Variants in NPAS3 observed in about 807,000 individuals in gnomAD.
NPAS3 encodes the protein neuronal PAS domain protein 3.
A neutral mutation model predicts 73.1 loss-of-function variants in NPAS3; 14 were observed. The observed-to-expected ratio is 0.19, with a 90% CI of 0.13 to 0.30. The LOEUF (loss-of-function observed/expected upper bound fraction) is 0.30. Ranked by LOEUF, NPAS3 falls within the 10% of genes least tolerant of loss-of-function variation. The probability of loss-of-function intolerance (pLI) is 1.00; values close to 1 mark genes in which losing one functional copy is unlikely to be tolerated. For synonymous variants in NPAS3, 620 were observed against 541.5 expected (o/e 1.14, Z -2.01); for missense variants, 1,096 against 1,250.0 (o/e 0.88, Z 1.86).
At chr14:33,100,592 CA>C (rs1472932931) in intron 2 of NPAS3, among the ~76,000 whole-genome samples, 1 of 152,070 alleles carries the variant, frequency 6.6e-6, no homozygotes, top group African/African-American at 2.4e-5. Flanking sequence ...TATAATTATA[CA>C]ACGCTATTTA....
chr14:33,317,932 G>T (rs1272986687), intron 3 of NPAS3, among the ~76,000 whole-genome samples: 1 of 152,014 alleles, frequency 6.6e-6, no homozygotes, highest in Admixed American at 6.6e-5. Context: ...TTGAAGTGCA[G>T]GGGTAAAATT....
intron 3 of NPAS3, among the ~76,000 whole-genome samples, chr14:33,332,418 A>G (rs1174000624): frequency 6.6e-6 from 1 of 152,178 alleles, no homozygotes; most frequent in Non-Finnish European, 1.5e-5. Context: ...ATGTAGTTAG[A>G]CACCTTGGAA....
intron 3 of NPAS3, among the ~76,000 whole-genome samples, chr14:33,328,446 C>CTTTTCTTTTTTTTTTTTTTTT (rs2043812426): frequency 2.0e-5 from 1 of 49,584 alleles, no homozygotes; most frequent in Non-Finnish European, 3.7e-5. Flanking sequence ...CTTTTCTTTT[C>CTTTTCTTTTTTTTTTTTTTTT]TTTTTTTTTT....
At chr14:33,267,513 A>T (rs1215600489) in intron 3 of NPAS3, among the ~76,000 whole-genome samples, 2 of 152,080 alleles carry the variant, frequency 1.3e-5, no homozygotes, top group South Asian at 2.1e-4. Context: ...CTTTGTAGGC[A>T]CTCCAAATGC....
At chr14:33,452,062 A>C (rs923846456) in intron 4 of NPAS3, among the ~76,000 whole-genome samples, 1 of 152,204 alleles carries the variant, frequency 6.6e-6, no homozygotes, top group Non-Finnish European at 1.5e-5. Flanking sequence ...AATTTGTCTC[A>C]TCATGTTAAT....
At chr14:33,456,940 A>G (rs1243450450) in intron 4 of NPAS3, among the ~76,000 whole-genome samples, 1 of 152,250 alleles carries the variant, frequency 6.6e-6, no homozygotes, top group African/African-American at 2.4e-5. Context: ...CCTCCGCCTC[A>G]CCTGCCTTGT....
At position 33,266,393 on chromosome 14, in the gene NPAS3, G is replaced by A. The variant is rs550292685; in HGVS notation, c.385+50967G>A. On this transcript the variant is annotated intron_variant, in intron 3 of 11. Transcript: ENST00000356141. ...TAGAATAATTCAGATTGAAGAGAGA[G>A]CTCATATCTAGGTTCCAAGTCTCAC... Among the ~76,000 whole-genome samples, 5 of 152,212 alleles carry A rather than the reference G, an allele frequency of 3.3e-5. No homozygotes were observed. The East Asian group carries it at 9.7e-4, about 29-fold the overall frequency.
chr14:33,506,139 C>A (rs1377162415), intron 4 of NPAS3, among the ~76,000 whole-genome samples: 1 of 151,942 alleles, frequency 6.6e-6, no homozygotes, highest in African/African-American at 2.4e-5. Flanking sequence ...ATAGTGCCAG[C>A]CAAAATACTA....
intron 4 of NPAS3, among the ~76,000 whole-genome samples, chr14:33,523,955 G>A (rs568729835): frequency 7.9e-5 from 12 of 152,130 alleles, no homozygotes; most frequent in African/African-American, 1.9e-4. Flanking sequence ...GTCAGGTAAC[G>A]GATGCTATTG....
intron 1 of NPAS3, among the ~76,000 whole-genome samples, chr14:32,945,359 G>A (rs773331049): frequency 2.7e-4 from 41 of 152,068 alleles, no homozygotes; most frequent in Non-Finnish European, 4.3e-4. Flanking sequence ...GGTTATATAC[G>A]ATGATGATTA....
intron 4 of NPAS3, among the ~76,000 whole-genome samples, chr14:33,526,806 G>A (rs947372427): frequency 1.3e-5 from 2 of 152,060 alleles, no homozygotes; most frequent in African/African-American, 4.8e-5. Context: ...AGCCAAAGCG[G>A]CACATCATTA....
At chr14:32,969,103 G>T (rs1348780041) in intron 1 of NPAS3, among the ~76,000 whole-genome samples, 1 of 152,138 alleles carries the variant, frequency 6.6e-6, no homozygotes, top group Non-Finnish European at 1.5e-5. Flanking sequence ...CAACACATGT[G>T]GTTGTGGACA....
At chr14:33,382,701 G>A (rs2046608788) in intron 4 of NPAS3, among the ~76,000 whole-genome samples, 1 of 152,118 alleles carries the variant, frequency 6.6e-6, no homozygotes, top group Non-Finnish European at 1.5e-5. Flanking sequence ...AAAGGTGCAG[G>A]TGTAGAGACA....
At chr14:33,565,455 A>C (rs1418943656) in intron 5 of NPAS3, among the ~76,000 whole-genome samples, 2 of 152,250 alleles carry the variant, frequency 1.3e-5, no homozygotes, top group East Asian at 1.9e-4. Flanking sequence ...AAATCACTGG[A>C]GGTTAAAGAT....
In NPAS3 at chr14:33,800,172, G is replaced by C. The variant is rs1384291211; in HGVS notation, c.1865G>C (p.Ser622Thr). The change falls in exon 12 of 12, where the codon AGC becomes ACC. Residue 622 changes from serine (S) to threonine (T), a missense_variant. By Grantham distance (58) the Ser-to-Thr change is moderately conservative. Transcript: ENST00000356141. The surrounding 1 kb of genome is among the most constrained non-coding windows in gnomAD (Gnocchi z 6.5). ...CGCCGGCGCCTGTCCAGCGCGTCGA[G>C]CCCAGGCGGCCTGGACGCGGGCCTG... is the stretch of plus-strand genomic sequence containing the variant. 4 of 1,608,398 alleles carry C rather than the reference G, an allele frequency of 2.5e-6. No homozygotes were observed. The African/African-American group carries it at 5.3e-5, about 21-fold the overall frequency.
intron 5 of NPAS3, among the ~76,000 whole-genome samples, chr14:33,669,228 T>C (rs960561048): frequency 3.9e-5 from 6 of 152,238 alleles, no homozygotes; most frequent in African/African-American, 1.4e-4. Context: ...ATCGTTTCAC[T>C]TTTTACTATG....
intron 2 of NPAS3, among the ~76,000 whole-genome samples, chr14:33,136,734 A>G (rs953239275): frequency 2.8e-4 from 42 of 152,198 alleles, no homozygotes; most frequent in African/African-American, 9.4e-4. Context: ...GGGTACTTGA[A>G]AGATTTAGTT....
intron 4 of NPAS3, among the ~76,000 whole-genome samples, chr14:33,484,700 G>C (rs1318404810): frequency 6.6e-6 from 1 of 152,200 alleles, no homozygotes; most frequent in African/African-American, 2.4e-5. Context: ...ACTGTCAAAA[G>C]AAAGGTGCAG....
At chr14:33,153,898 AC>A (rs2044551668) in intron 2 of NPAS3, among the ~76,000 whole-genome samples, 1 of 152,072 alleles carries the variant, frequency 6.6e-6, no homozygotes, top group Non-Finnish European at 1.5e-5. Flanking sequence ...GTTTACTACC[AC>A]AAAAAGTTTC....
Sources: gnomAD v4.1 joint callset for allele counts (sites outside exome capture counted in the v4.1 genomes callset) on GRCh38, gnomAD v4.1.1 for gene constraint, Gnocchi (gnomAD v3.1) non-coding constraint, MANE v1.5 for transcripts, NCBI Gene and HGNC (gene_info 2026-07-23, HGNC 2026-07-21) for gene names.